ABTB3: variants seen among roughly 807,000 people sequenced by gnomAD.
ABTB3 encodes the protein ankyrin repeat- and BTB/POZ domain-containing protein 3.
the ABTB3 span, among the ~76,000 whole-genome samples, chr12:107,404,162 C>CAAAAAAAAA: frequency 2.0e-4 from 8 of 40,226 alleles, no homozygotes; most frequent in Non-Finnish European, 1.3e-4. Context: ...GACTCTAACT[C>CAAAAAAAAA]AAAAAAAAAA....
the ABTB3 span, among the ~76,000 whole-genome samples, chr12:107,556,181 G>A: frequency 6.0e-5 from 9 of 150,358 alleles, no homozygotes; most frequent in South Asian, 8.4e-4. Flanking sequence ...CGCAACCTCC[G>A]CCTCCCAGGT....
At chr12:107,390,121 AG>A in the ABTB3 span, among the ~76,000 whole-genome samples, 2 of 152,146 alleles carry the variant, frequency 1.3e-5, no homozygotes, top group African/African-American at 4.8e-5. Flanking sequence ...TGGCACTGAG[AG>A]GGGTGGTCCA....
At chr12:107,525,727 G>C in the ABTB3 span, among the ~76,000 whole-genome samples, 1 of 152,182 alleles carries the variant, frequency 6.6e-6, no homozygotes, top group African/African-American at 2.4e-5. Context: ...TTTCCTCAGG[G>C]CCTCATATTA....
chr12:107,373,371 A>G, the ABTB3 span, among the ~76,000 whole-genome samples: 5 of 152,140 alleles, frequency 3.3e-5, no homozygotes, highest in African/African-American at 1.2e-4. Context: ...GCCCATAAGC[A>G]GAGAAGCCAT....
At chr12:107,334,690 C>T in the ABTB3 span, among the ~76,000 whole-genome samples, 189 of 152,140 alleles carry the variant, frequency 1.2e-3, 1 homozygote, top group African/African-American at 4.3e-3. Flanking sequence ...GATGATATTT[C>T]AAACCATGAG....
chr12:107,369,580 A>T, the ABTB3 span, among the ~76,000 whole-genome samples: 4 of 151,486 alleles, frequency 2.6e-5, no homozygotes, highest in East Asian at 7.8e-4. Flanking sequence ...TGTATTTTTA[A>T]GAGAGACAGG....
chr12:107,537,094 GAAC>G, the ABTB3 span, among the ~76,000 whole-genome samples: 2 of 151,516 alleles, frequency 1.3e-5, no homozygotes, highest in Non-Finnish European at 2.9e-5. Flanking sequence ...TGAAACTGGA[GAAC>G]AATATATTAA....
chr12:107,520,330 T>C, the ABTB3 span: 2 of 968,644 alleles, frequency 2.1e-6, no homozygotes, highest in Non-Finnish European at 2.5e-6. Flanking sequence ...CATCCATTTC[T>C]AAAAGGAGTC....
chr12:107,608,965 AAAT>A, the ABTB3 span, among the ~76,000 whole-genome samples: 1,740 of 78,594 alleles, frequency 0.022, 106 homozygotes, highest in African/African-American at 0.082. Context: ...ATATAAAATA[AAAT>A]ATAAAATAAA....
the ABTB3 span, among the ~76,000 whole-genome samples, chr12:107,423,420 C>T: frequency 1.3e-5 from 2 of 152,270 alleles, no homozygotes; most frequent in South Asian, 4.1e-4. Flanking sequence ...AGCTGACAGT[C>T]ACATGTTCTC....
the ABTB3 span, among the ~76,000 whole-genome samples, chr12:107,566,648 TACACACACACACAC>T: frequency 4.3e-4 from 58 of 136,456 alleles, no homozygotes; most frequent in Middle Eastern, 3.8e-3. Context: ...CTAATTTAAA[TACACACACACACAC>T]ACACACACAC....
At chr12:107,543,332 C>A in the ABTB3 span, among the ~76,000 whole-genome samples, 1 of 124,738 alleles carries the variant, frequency 8.0e-6, no homozygotes, top group Non-Finnish European at 1.6e-5. Context: ...GAGCAAGACT[C>A]CATCTCAAAA....
the ABTB3 span, among the ~76,000 whole-genome samples, chr12:107,324,855 G>C: frequency 1.3e-5 from 2 of 152,174 alleles, no homozygotes; most frequent in African/African-American, 4.8e-5. Flanking sequence ...AAGACCTTAC[G>C]CTTAGATCTA....
chr12:107,567,850 C>G, the ABTB3 span, among the ~76,000 whole-genome samples: 1 of 152,200 alleles, frequency 6.6e-6, no homozygotes, highest in Non-Finnish European at 1.5e-5. Flanking sequence ...CCCCCTACCC[C>G]CAGTCTGTGG....
the ABTB3 span, among the ~76,000 whole-genome samples, chr12:107,379,306 T>C: frequency 6.6e-6 from 1 of 152,118 alleles, no homozygotes; most frequent in Non-Finnish European, 1.5e-5. Flanking sequence ...TTATCTAGAA[T>C]TGTAGCTCCC....
chr12:107,488,256 G>A, the ABTB3 span, among the ~76,000 whole-genome samples: 1 of 152,000 alleles, frequency 6.6e-6, no homozygotes, highest in African/African-American at 2.4e-5. Flanking sequence ...GGTGGGTGGT[G>A]GAAATGTTCT....
chr12:107,412,769 CTTCCAATTTG>C, the ABTB3 span, among the ~76,000 whole-genome samples: 1 of 152,072 alleles, frequency 6.6e-6, no homozygotes, highest in Admixed American at 6.6e-5. Context: ...AAGGATCTCA[CTTCCAATTTG>C]TTGCCCCTCC....
the ABTB3 span, among the ~76,000 whole-genome samples, chr12:107,636,740 T>C: frequency 6.6e-6 from 1 of 152,182 alleles, no homozygotes; most frequent in African/African-American, 2.4e-5. Flanking sequence ...TAAAATGTTA[T>C]CAGGGCAACA....
chr12:107,411,150 A>G, the ABTB3 span, among the ~76,000 whole-genome samples: 3 of 152,146 alleles, frequency 2.0e-5, no homozygotes, highest in Non-Finnish European at 4.4e-5. Context: ...AAATACAAAA[A>G]AAATCTGGGC....
Sources: allele counts gnomAD v4.1 joint callset (sites outside exome capture counted in the v4.1 genomes callset), GRCh38; gene constraint gnomAD v4.1.1; transcripts MANE v1.5; gene names NCBI Gene and HGNC (gene_info 2026-07-23, HGNC 2026-07-21).